The following KCNT1 variants were observed in gnomAD, a reference collection of about 807,000 sequenced individuals.
KCNT1 encodes potassium sodium-activated channel subfamily T member 1.
In KCNT1, 78 loss-of-function variants were observed where a neutral mutation model predicts 147.8. That is an observed-to-expected ratio of 0.53 (90% confidence interval 0.44 to 0.64). The LOEUF is 0.64. Among genes scored for constraint, KCNT1 ranks in the 30% least tolerant of loss-of-function variants. The pLI is 0.00. For synonymous variants in KCNT1, 867 were observed against 748.8 expected (o/e 1.16, Z -2.58); for missense variants, 1,419 against 1,750.3 (o/e 0.81, Z 3.38).
At chr9:135,769,336 A>C (rs1832582590) in intron 15 of KCNT1, among the ~76,000 whole-genome samples, 1 of 151,820 alleles carries the variant, frequency 6.6e-6, no homozygotes, top group African/African-American at 2.4e-5. Flanking sequence ...TGTCTGGGGC[A>C]GGGCGCATGT....
chr9:135,740,158 C>T (rs1366927498), intron 2 of KCNT1, among the ~76,000 whole-genome samples: 1 of 152,152 alleles, frequency 6.6e-6, no homozygotes, highest in Non-Finnish European at 1.5e-5. Flanking sequence ...CCTTAATGAC[C>T]GCTTTAAAGG....
At chr9:135,741,042 G>A (rs946483652) in intron 2 of KCNT1, among the ~76,000 whole-genome samples, 4 of 152,076 alleles carry the variant, frequency 2.6e-5, no homozygotes, top group Admixed American at 6.6e-5. Flanking sequence ...CCCACAGGCC[G>A]CTGCCCTCCC....
At chr9:135,784,181 C>T (rs527683077) in intron 25 of KCNT1, 56 bp downstream of exon 25, 267 of 1,339,348 alleles carry the variant, frequency 2.0e-4, no homozygotes, top group Non-Finnish European at 2.5e-4. Flanking sequence ...CCCGTCATGC[C>T]CTCAGCTCTT....
chr9:135,771,662 G>A (rs964894337), intron 18 of KCNT1, among the ~76,000 whole-genome samples: 9 of 152,228 alleles, frequency 5.9e-5, no homozygotes, highest in African/African-American at 1.7e-4. Context: ...GCCTCTTCTC[G>A]TGCCTTCAGG....
chr9:135,751,181 T>C (rs1831142343), intron 4 of KCNT1, 140 bp downstream of exon 4: 2 of 756,630 alleles, frequency 2.6e-6, no homozygotes, highest in Non-Finnish European at 2.2e-6. Context: ...CCCCAGTGCC[T>C]GTCCCAGGAT....
intron 2 of KCNT1, among the ~76,000 whole-genome samples, chr9:135,740,258 A>C (rs916072935): frequency 6.6e-6 from 1 of 152,164 alleles, no homozygotes; most frequent in Non-Finnish European, 1.5e-5. Flanking sequence ...GCCCGAGATA[A>C]GGGGGTGCCT....
At chr9:135,722,124 G>A (rs1203591548) in intron 2 of KCNT1, among the ~76,000 whole-genome samples, 1 of 152,170 alleles carries the variant, frequency 6.6e-6, no homozygotes, top group Non-Finnish European at 1.5e-5. Flanking sequence ...GGGGCATGGA[G>A]GAGGGTCCGT....
At chr9:135,772,345 C>T (rs1657283897) in intron 18 of KCNT1, among the ~76,000 whole-genome samples, 1 of 152,174 alleles carries the variant, frequency 6.6e-6, no homozygotes, top group South Asian at 2.1e-4. Context: ...CAGCTGCTCC[C>T]CACCTGGCCC....
rs151006970 is a variant in KCNT1 at position 135,770,949 on chromosome 9, C to T, written c.1862C>T (p.Thr621Ile). 6 of 1,613,638 alleles carry T rather than the reference C, an allele frequency of 3.7e-6. No individual in the cohort carries two copies. The highest frequency in any genetic ancestry group is 1.3e-5 in the African/African-American group (1 of 74,912). ...GPRHILAASD[T>I]CFYINITKEE... The stretch of plus-strand genomic sequence containing the variant: ...CGGCACATCCTGGCCGCCTCTGACA[C>T]CTGCTTCTACATCAACATCACCAAG... Residue 621 changes from threonine to isoleucine, a missense_variant, in exon 18 of 31, where the codon ACC (threonine) becomes ATC (isoleucine). By Grantham distance (89) the Thr-to-Ile change is moderately conservative. This residue lies in a region of KCNT1 where 284 missense variants were observed against 292.8 expected (regional missense o/e 0.97). Transcript: ENST00000371757.
intron 4 of KCNT1, 111 bp downstream of exon 4, chr9:135,751,152 C>CT: frequency 1.0e-6 from 1 of 988,914 alleles, no homozygotes; most frequent in Non-Finnish European, 1.6e-6. Flanking sequence ...GTGCCTGGGG[C>CT]CTTGGGGAGT....
intron 1 of KCNT1, among the ~76,000 whole-genome samples, chr9:135,708,759 G>A (rs1383794157): frequency 6.6e-6 from 1 of 152,178 alleles, no homozygotes; most frequent in Non-Finnish European, 1.5e-5. Context: ...TGCCCAGGCT[G>A]GTCAGGAACT....
chr9:135,719,373 G>A (rs866033894), intron 2 of KCNT1, among the ~76,000 whole-genome samples: 4 of 152,218 alleles, frequency 2.6e-5, no homozygotes, highest in African/African-American at 7.2e-5. Flanking sequence ...ACTCTGGTCT[G>A]TGGCAGTGGA....
At position 135,758,525 on chromosome 9, in the gene KCNT1, A is replaced by G. The variant is rs775158912; in HGVS notation, c.854+17A>G. 6.9e-6 allele frequency: 11 copies of G among 1,605,636 alleles called. No individual in the cohort carries two copies. Among genetic ancestry groups the G allele is most frequent in the South Asian group, 1.1e-5 (1 of 90,932 alleles). ...TTTCACGGGGTGAGTGCCGGCCGTC[A>G]GTGTGAGCACCCCAGGACGTTGGGA... is the stretch of plus-strand genomic sequence containing the variant. On this transcript the variant is annotated intron_variant, in intron 10 of 30. Transcript: ENST00000371757.
At chr9:135,715,132 C>T (rs536987939) in intron 2 of KCNT1, among the ~76,000 whole-genome samples, 2 of 152,300 alleles carry the variant, frequency 1.3e-5, no homozygotes, top group East Asian at 1.9e-4. Context: ...AGGCAGCGGT[C>T]CTTGATTAAT....
chr9:135,784,209 T>C, intron 25 of KCNT1, 84 bp downstream of exon 25: 1 of 1,070,910 alleles, frequency 9.3e-7, no homozygotes, highest in Non-Finnish European at 1.4e-6. Context: ...GTCCCTGTTC[T>C]GAATGATAGG....
intron 7 of KCNT1, 55 bp downstream of exon 7, chr9:135,756,987 C>CA: frequency 8.6e-7 from 1 of 1,166,366 alleles, no homozygotes. Context: ...TCCCCACCCT[C>CA]CCCAGCCTCC....
rs149804567 is a variant in KCNT1, at chr9:135,778,444, A to G, written c.2543A>G (p.Glu848Gly). The G allele has an allele frequency of 2.9e-3, 4,552 of 1,552,002 alleles. 10 individuals carry two copies. Among genetic ancestry groups the G allele is most frequent in the Middle Eastern group, 7.9e-3 (47 of 5,984 alleles). ...LDNKPDHHFL[E>G]AICCFPMVYY... ...CACAGGCCCGACCACCACTTCCTGGAAGCCATCTGCTGCTTCCCCATGGTC... is the reference window on the plus strand; with the variant it reads ...CACAGGCCCGACCACCACTTCCTGGGAGCCATCTGCTGCTTCCCCATGGTC... Residue 848 changes from glutamate to glycine, a missense_variant, in exon 22 of 31, where the codon GAA becomes GGA. Physicochemically the swap from Glu to Gly is moderately conservative, Grantham distance 98. Coordinates refer to ENST00000371757, the MANE Select transcript of KCNT1 (RefSeq NM_020822.3).
In KCNT1 at chr9:135,785,310, C is replaced by T. The variant is rs1833952592; in HGVS notation, c.3157C>T (p.Pro1053Ser). 17 of 1,612,976 alleles carry T rather than the reference C, an allele frequency of 1.1e-5. No homozygotes were observed. The highest frequency in any genetic ancestry group is 1.4e-5 in the Non-Finnish European group (16 of 1,179,882). The change falls in exon 28 of 31, where the codon CCC becomes TCC. Residue 1053 changes from proline to serine, a missense_variant and splice_region_variant. Pro to Ser is a moderately conservative substitution (Grantham distance 74). Coordinates refer to ENST00000371757, the MANE Select transcript of KCNT1 (RefSeq NM_020822.3). Reference sequence around the variant, plus strand: ...CAGACTGCGCCTGTTTCCTTTGCAGCCCCACGACCTCAGAGCCCAGGTAAG... The same window carrying T: ...CAGACTGCGCCTGTTTCCTTTGCAGTCCCACGACCTCAGAGCCCAGGTAAG... ...TESHVFSTSE[P>S]HDLRAQSQIS...
At chr9:135,725,912 G>C (rs1164602976) in intron 2 of KCNT1, among the ~76,000 whole-genome samples, 1 of 152,146 alleles carries the variant, frequency 6.6e-6, no homozygotes, top group Non-Finnish European at 1.5e-5. Flanking sequence ...CCCAGGTCTG[G>C]CAGGAGGAAC....
Sources: allele counts gnomAD v4.1 joint callset (sites outside exome capture counted in the v4.1 genomes callset), GRCh38; gene constraint gnomAD v4.1.1; regional missense constraint gnomAD v4.1.1; transcripts MANE v1.5; gene names NCBI Gene and HGNC (gene_info 2026-07-23, HGNC 2026-07-21).